ITGA4: variants seen among roughly 807,000 people sequenced by gnomAD.
ITGA4 encodes the protein integrin alpha-4.
In ITGA4, 63 loss-of-function variants were observed where a neutral mutation model predicts 133.6. The ratio of observed to expected loss-of-function variants is 0.47; its 90% CI spans 0.38 to 0.58. The LOEUF is 0.58. Among genes scored for constraint, ITGA4 ranks in the 20% least tolerant of loss-of-function variants. The pLI, the probability that ITGA4 is intolerant of heterozygous loss-of-function variation, is 0.00. For synonymous variants in ITGA4, 483 were observed against 438.0 expected (o/e 1.10, Z -1.28); for missense variants, 1,076 against 1,252.7 (o/e 0.86, Z 2.13).
intron 15 of ITGA4, among the ~76,000 whole-genome samples, chr2:181,504,042 A>G (rs1050801386): frequency 6.6e-6 from 1 of 152,060 alleles, no homozygotes; most frequent in Non-Finnish European, 1.5e-5. Context: ...CCCTGCATCA[A>G]AATATCCACT....
chr2:181,478,164 TAAA>T (rs1012412603), intron 4 of ITGA4, among the ~76,000 whole-genome samples: 11 of 152,150 alleles, frequency 7.2e-5, no homozygotes, highest in African/African-American at 2.4e-4. Context: ...CTGTGGAATC[TAAA>T]AAAGTCAAAT....
chr2:181,499,325 T>A (rs1208406937), intron 15 of ITGA4, among the ~76,000 whole-genome samples: 1 of 152,146 alleles, frequency 6.6e-6, no homozygotes, highest in East Asian at 1.9e-4. Flanking sequence ...CATGATGGTT[T>A]GGGGTATGTC....
intron 25 of ITGA4, among the ~76,000 whole-genome samples, chr2:181,532,523 A>G (rs1049021315): frequency 6.6e-6 from 1 of 152,122 alleles, no homozygotes; most frequent in Non-Finnish European, 1.5e-5. Context: ...AGTGAATGGG[A>G]ATTCACTCAT....
chr2:181,478,058 T>A (rs922678317), intron 4 of ITGA4, among the ~76,000 whole-genome samples: 10 of 152,014 alleles, frequency 6.6e-5, no homozygotes, highest in African/African-American at 2.4e-4. Flanking sequence ...AAAAGGAAAT[T>A]CTGACTTTTG....
At position 181,495,105 on chromosome 2, in the gene ITGA4, T is replaced by C. The variant is rs1024039232; in HGVS notation, c.1340-266T>C. On this transcript the variant is annotated intron_variant, in intron 12 of 27. Transcript: ENST00000397033. This position sits in a 1 kb window ranked among gnomAD's most constrained non-coding sequence, Gnocchi z 4.3. ...TTTTATTTAGAAAAATTTGAGTGAA[T>C]GTTTCTAGTCCAAAAATTGAATTTT... is the stretch of plus-strand genomic sequence containing the variant. Among the ~76,000 whole-genome samples the C allele has an allele frequency of 1.2e-4, 18 of 152,238 alleles. No individual in the cohort carries two copies. Among genetic ancestry groups the C allele is most frequent in the African/African-American group, 4.3e-4 (18 of 41,472 alleles).
chr2:181,471,837 T>C (rs1464496500), intron 2 of ITGA4, among the ~76,000 whole-genome samples: 1 of 152,214 alleles, frequency 6.6e-6, no homozygotes, highest in Non-Finnish European at 1.5e-5. Flanking sequence ...TTGTGGCTTC[T>C]GGAGGGCTAA....
At chr2:181,508,731 T>C (rs1011819068) in intron 15 of ITGA4, among the ~76,000 whole-genome samples, 1 of 151,760 alleles carries the variant, frequency 6.6e-6, no homozygotes, top group South Asian at 2.1e-4. Context: ...ATAAAAACTT[T>C]AACAACTAAT....
rs1559061632 is a variant in ITGA4 at position 181,536,592 on chromosome 2, A to AGC, written c.*1065_*1066insGC. The AGC allele has an allele frequency of 6.4e-6, 1 of 157,002 alleles. No individual in the cohort carries two copies. The highest frequency in any genetic ancestry group is 1.3e-5 in the Non-Finnish European group (1 of 75,728). The allele number at this position is 157,002 out of a possible 1,614,324, so 9.7% of individuals were successfully genotyped here. On this transcript the variant is annotated 3_prime_UTR_variant, in exon 28 of 28. Transcript: ENST00000397033. ...ACATGGAAACGAAGAAACAAAATTC[A>AGC]TAAATTTAAATTCATAAATTTAGCT... is the stretch of plus-strand genomic sequence containing the variant.
chr2:181,522,381 AT>A, intron 18 of ITGA4, 40 bp downstream of exon 18: 2 of 1,384,174 alleles, frequency 1.4e-6, no homozygotes, highest in South Asian at 1.4e-5. Flanking sequence ...ACTACTTGGT[AT>A]TTTACTTAAT....
At chr2:181,529,751 T>A in intron 23 of ITGA4, 103 bp downstream of exon 23, 2 of 647,670 alleles carry the variant, frequency 3.1e-6, no homozygotes, top group South Asian at 3.9e-5. Flanking sequence ...AATGGATAAT[T>A]GTTAACTTAC....
chr2:181,533,119 T>G (rs535459696), intron 25 of ITGA4, among the ~76,000 whole-genome samples: 12 of 152,318 alleles, frequency 7.9e-5, no homozygotes, highest in Non-Finnish European at 1.2e-4. Context: ...TGTATATTTA[T>G]GAGGAGTAGT....
chr2:181,459,295 C>T (rs1685209639), intron 2 of ITGA4: 1 of 129,480 alleles, frequency 7.7e-6, no homozygotes, highest in Non-Finnish European at 1.7e-5. Flanking sequence ...TATGTATCTT[C>T]AATGCAAATA....
At chr2:181,506,254 A>C (rs1377555556) in intron 15 of ITGA4, among the ~76,000 whole-genome samples, 1 of 152,142 alleles carries the variant, frequency 6.6e-6, no homozygotes, top group Non-Finnish European at 1.5e-5. Flanking sequence ...CTATTCTAGG[A>C]AACTGAAATT....
chr2:181,479,544 A>G (rs1685757462), intron 5 of ITGA4: 1 of 152,014 alleles, frequency 6.6e-6, no homozygotes, highest in Non-Finnish European at 1.5e-5. Context: ...GAAATATGCT[A>G]AAGATATTTA....
chr2:181,497,995 G>T (rs544961079), intron 14 of ITGA4, among the ~76,000 whole-genome samples: 10 of 151,448 alleles, frequency 6.6e-5, no homozygotes, highest in Non-Finnish European at 1.3e-4. Context: ...TTTAAAAATT[G>T]CACAAATTAA....
At position 181,531,657 on chromosome 2, in the gene ITGA4, T is replaced by C. The variant is rs200902535; in HGVS notation, c.2665T>C (p.Tyr889His). Reference protein sequence around the residue: ...FLSKTDKRLLYCIKADPHCLN... With the variant: ...FLSKTDKRLLHCIKADPHCLN... The stretch of plus-strand genomic sequence containing the variant: ...GTAGCACTTTTATATTCCCTTCAAG[T>C]ACTGCATAAAAGCTGATCCACATTG... The change falls in exon 25 of 28, where the codon TAC becomes CAC. Residue 889 changes from tyrosine to histidine, a missense_variant and splice_region_variant. Coordinates refer to ENST00000397033, the MANE Select transcript of ITGA4 (RefSeq NM_000885.6). 59 of 1,572,190 alleles carry C rather than the reference T, an allele frequency of 3.8e-5. No individual in the cohort carries two copies. Among genetic ancestry groups the C allele is most frequent in the Non-Finnish European group, 4.5e-5 (52 of 1,153,212 alleles).
chr2:181,466,391 A>G (rs913830069), intron 2 of ITGA4, among the ~76,000 whole-genome samples: 1 of 152,116 alleles, frequency 6.6e-6, no homozygotes, highest in Non-Finnish European at 1.5e-5. Context: ...CCATTGTGAG[A>G]TTTTATTTAG....
intron 10 of ITGA4, among the ~76,000 whole-genome samples, chr2:181,492,293 G>A (rs1231436416): frequency 1.3e-5 from 2 of 152,188 alleles, no homozygotes; most frequent in African/African-American, 4.8e-5. Flanking sequence ...CTTTTTAACT[G>A]AAAATAGAAA....
At chr2:181,513,247 G>A (rs1686540940) in intron 17 of ITGA4, among the ~76,000 whole-genome samples, 1 of 151,964 alleles carries the variant, frequency 6.6e-6, no homozygotes, top group Non-Finnish European at 1.5e-5. Flanking sequence ...CTACACTGCT[G>A]ATGCCTAAAC....
Sources: allele counts gnomAD v4.1 joint callset (sites outside exome capture counted in the v4.1 genomes callset), GRCh38; gene constraint gnomAD v4.1.1; non-coding constraint Gnocchi (gnomAD v3.1); transcripts MANE v1.5; gene names NCBI Gene and HGNC (gene_info 2026-07-23, HGNC 2026-07-21).